Variants in RASSF8 observed in about 807,000 individuals in gnomAD.
RASSF8 encodes the protein ras association domain-containing protein 8.
In RASSF8, 22 loss-of-function variants were observed where a neutral mutation model predicts 48.5. The ratio of observed to expected loss-of-function variants is 0.45; its 90% CI spans 0.32 to 0.65. The LOEUF is 0.65. Ranked by LOEUF, RASSF8 falls within the 30% of genes least tolerant of loss-of-function variation. The pLI, the probability that RASSF8 is intolerant of heterozygous loss-of-function variation, is 0.03. For missense variants in RASSF8, 418 were observed against 489.2 expected (o/e 0.85, Z 1.37); for synonymous variants, 127 against 171.5 (o/e 0.74, Z 2.03).
intron 1 of RASSF8, among the ~76,000 whole-genome samples, chr12:25,966,294 C>T (rs1418668237): frequency 2.0e-5 from 3 of 151,922 alleles, no homozygotes; most frequent in Admixed American, 6.6e-5. Flanking sequence ...GCTCTGTTGC[C>T]GAGGCTGGAG....
At chr12:25,983,254 G>GAAAAA (rs61662689) in intron 1 of RASSF8, among the ~76,000 whole-genome samples, 1 of 151,768 alleles carries the variant, frequency 6.6e-6, no homozygotes, top group Non-Finnish European at 1.5e-5. Context: ...AAAAAAATCT[G>GAAAAA]AAACTAAATA....
chr12:26,034,475 C>T (rs1943091064), intron 2 of RASSF8, among the ~76,000 whole-genome samples: 1 of 151,972 alleles, frequency 6.6e-6, no homozygotes, highest in Non-Finnish European at 1.5e-5. Context: ...GCATTTAAAG[C>T]CATCTGGGCC....
intron 1 of RASSF8, among the ~76,000 whole-genome samples, chr12:25,973,032 T>C (rs1278658453): frequency 6.6e-6 from 1 of 152,168 alleles, no homozygotes; most frequent in Non-Finnish European, 1.5e-5. Context: ...TTCATTCTTT[T>C]TTTTATGGAT....
rs192295138 is a variant in RASSF8, at chr12:26,036,499, T to C, written c.-108-18737T>C. Among the ~76,000 whole-genome samples the C allele has an allele frequency of 6.3e-4, 96 of 152,272 alleles. No homozygotes were observed. The Middle Eastern group carries it at 0.024, about 38-fold the overall frequency. On this transcript the variant is annotated intron_variant, in intron 2 of 5. Transcript: ENST00000689635. The stretch of plus-strand genomic sequence containing the variant: ...TGGGCCATTTGGAACAGTTTCATTT[T>C]TTAAATTTTAATGTAAGATGTCCTA...
chr12:26,064,860 C>G lies in RASSF8; in HGVS notation c.466C>G (p.Leu156Val), dbSNP rs1445101674. ...AGAAACTGAGTTTAAGCAAAAGGTG[C>G]TGAATAACTGCAAAACAACAGCAGA... ...GKETEFKQKV[L>V]NNCKTTADEL... Residue 156 changes from leucine to valine, a missense_variant, in exon 4 of 6, where the codon CTG becomes GTG. Leu to Val is a conservative substitution (Grantham distance 32). Transcript: ENST00000689635. 6.2e-7 allele frequency: 1 copy of G among 1,614,156 alleles called. No individual in the cohort carries two copies. The highest frequency in any genetic ancestry group is 1.1e-5 in the South Asian group (1 of 91,074).
Position 26,072,242 on chromosome 12 carries a change from GT to G in RASSF8, c.*3430del. ...AATTATTACTTTTGTATTGTGTTCA[GT>G]TTTTTAAGTTGCATGTTTATACTAT... On this transcript the variant is annotated 3_prime_UTR_variant, in exon 6 of 6. Coordinates refer to ENST00000689635, the MANE Select transcript of RASSF8 (RefSeq NM_001394098.1). 2.1e-6 allele frequency: 2 copies of G among 974,150 alleles called. No individual in the cohort carries two copies. Among genetic ancestry groups the G allele is most frequent in the Non-Finnish European group, 2.4e-6 (2 of 819,820 alleles). The allele number at this position is 974,150 out of a possible 1,614,324, so 60.3% of individuals were successfully genotyped here.
chr12:26,025,400 A>G (rs1423219380), intron 2 of RASSF8, among the ~76,000 whole-genome samples: 1 of 152,070 alleles, frequency 6.6e-6, no homozygotes, highest in African/African-American at 2.4e-5. Context: ...TACTAAAAAT[A>G]CAAAAAATTA....
Position 26,069,616 on chromosome 12 carries a change from A to T in RASSF8, c.*798A>T. On this transcript the variant is annotated 3_prime_UTR_variant, in exon 6 of 6. Transcript: ENST00000689635. Reference sequence around the variant, plus strand: ...CAGGCATGGGGTTTCCTGATACATTATGTGTTTTGTTTCTGCCCTGTCTTA... The same window carrying T: ...CAGGCATGGGGTTTCCTGATACATTTTGTGTTTTGTTTCTGCCCTGTCTTA... The T allele has an allele frequency of 2.0e-6, 2 of 985,402 alleles. No individual in the cohort carries two copies. The highest frequency in any genetic ancestry group is 2.4e-6 in the Non-Finnish European group (2 of 829,916). 61.0% of individuals were successfully genotyped at this position (985,402 alleles called of 1,614,324 possible).
At chr12:26,043,790 G>A (rs997777704) in intron 2 of RASSF8, among the ~76,000 whole-genome samples, 1 of 152,200 alleles carries the variant, frequency 6.6e-6, no homozygotes, top group Non-Finnish European at 1.5e-5. Context: ...ATGAAACTCA[G>A]CAAACATAAT....
chr12:26,072,707 C>T lies in RASSF8; in HGVS notation c.*3889C>T, dbSNP rs1944024217. ...GCACATAAATATGCTTTTAGTACTG[C>T]TTTGCTTATGTACAAATAAATCTGT... On this transcript the variant is annotated 3_prime_UTR_variant, in exon 6 of 6. Transcript: ENST00000689635. 1 of 982,954 alleles carries T rather than the reference C, an allele frequency of 1.0e-6. No individual in the cohort carries two copies. The highest frequency in any genetic ancestry group is 1.2e-6 in the Non-Finnish European group (1 of 827,700). 60.9% of individuals were successfully genotyped at this position (982,954 alleles called of 1,614,324 possible). A position where few individuals can be genotyped will look rare whatever the true frequency, so the allele number is the denominator to read the frequency against.
chr12:26,079,099 A>G, exon 6 of RASSF8: 1 of 1,507,602 alleles, frequency 6.6e-7, no homozygotes, highest in Non-Finnish European at 9.0e-7. Context: ...CTCAGGCAAG[A>G]AAAGCAAAAA....
intron 2 of RASSF8, chr12:26,011,773 C>G (rs548174422): frequency 1.3e-5 from 2 of 152,326 alleles, no homozygotes; most frequent in South Asian, 4.1e-4. Context: ...TCTCACCCGA[C>G]GCTGAGTCTG....
chr12:26,033,558 T>C (rs547429141), intron 2 of RASSF8, among the ~76,000 whole-genome samples: 20 of 152,186 alleles, frequency 1.3e-4, no homozygotes, highest in African/African-American at 4.8e-4. Context: ...AGATTGTTAT[T>C]TTGGAGGGAA....
At chr12:26,067,871 C>T (rs888643369) in intron 5 of RASSF8, among the ~76,000 whole-genome samples, 158 bp downstream of exon 5, 1 of 152,062 alleles carries the variant, frequency 6.6e-6, no homozygotes, top group Non-Finnish European at 1.5e-5. Context: ...GCTCAGGTGA[C>T]CCTCCTACCT....
chr12:25,998,970 T>A (rs1363852494), intron 2 of RASSF8, among the ~76,000 whole-genome samples: 4 of 152,252 alleles, frequency 2.6e-5, no homozygotes, highest in African/African-American at 9.6e-5. Context: ...ATCTATAATT[T>A]TTTTTTCTAG....
At chr12:26,016,870 T>C (rs917941727) in intron 2 of RASSF8, among the ~76,000 whole-genome samples, 4 of 152,214 alleles carry the variant, frequency 2.6e-5, no homozygotes, top group African/African-American at 9.6e-5. Context: ...TGAAGTTCAT[T>C]CATTAGTTGA....
Position 26,064,561 on chromosome 12 carries a change from A to G in RASSF8, c.167A>G (p.His56Arg), listed in dbSNP as rs368564231. The change falls in exon 4 of 6, where the codon CAT becomes CGT. Residue 56 changes from histidine to arginine, a missense_variant. His to Arg is a conservative substitution (Grantham distance 29, BLOSUM62 0). Coordinates refer to ENST00000689635, the MANE Select transcript of RASSF8 (RefSeq NM_001394098.1). ...GATACTGAAAGACACTTAGCACCTC[A>G]TGAAAATCCTATCATATCCTTAAAC... ...WRDTERHLAPHENPIISLNKW... is the reference protein window; with the variant it reads ...WRDTERHLAPRENPIISLNKW... The G allele has an allele frequency of 1.9e-6, 3 of 1,613,134 alleles. No homozygotes were observed. The highest frequency in any genetic ancestry group is 1.7e-6 in the Non-Finnish European group (2 of 1,179,494).
intron 2 of RASSF8, among the ~76,000 whole-genome samples, chr12:26,023,171 C>T (rs1488101950): frequency 6.6e-6 from 1 of 152,002 alleles, no homozygotes; most frequent in Non-Finnish European, 1.5e-5. Flanking sequence ...AAAATATGGA[C>T]ATCATTAAGG....
chr12:26,027,381 G>C (rs917751002), intron 2 of RASSF8, among the ~76,000 whole-genome samples: 8 of 152,188 alleles, frequency 5.3e-5, no homozygotes, highest in Non-Finnish European at 1.0e-4. Flanking sequence ...CAAACAAACA[G>C]AAGCTGGATA....
Sources: gnomAD v4.1 joint callset for allele counts (sites outside exome capture counted in the v4.1 genomes callset) on GRCh38, gnomAD v4.1.1 for gene constraint, MANE v1.5 for transcripts, NCBI Gene and HGNC (gene_info 2026-07-23, HGNC 2026-07-21) for gene names.